The following SETD5 variants were observed in gnomAD, a reference collection of about 807,000 sequenced individuals.
SETD5 encodes the protein SET domain containing 5, also known as histone-lysine N-methyltransferase SETD5.
SETD5 carries 44 observed loss-of-function variants against 153.3 expected under a neutral mutation model. The observed-to-expected ratio is 0.29, with a 90% CI of 0.23 to 0.37. The LOEUF is 0.37. Among genes scored for constraint, SETD5 ranks in the 10% least tolerant of loss-of-function variants. SETD5 has a pLI of 1.00. For missense variants in SETD5, 1,544 were observed against 1,768.0 expected (o/e 0.87, Z 2.27); for synonymous variants, 716 against 645.2 (o/e 1.11, Z -1.66).
intron 3 of SETD5, chr3:9,430,703 T>TG (rs2039858733): frequency 2.2e-6 from 1 of 457,652 alleles, no homozygotes; most frequent in Non-Finnish European, 2.9e-6. Flanking sequence ...CGTTTGGAAT[T>TG]GCTGGATAAA....
chr3:9,416,163 G>A (rs2037419125), intron 1 of SETD5, among the ~76,000 whole-genome samples: 1 of 145,842 alleles, frequency 6.9e-6, no homozygotes, highest in African/African-American at 2.7e-5. Flanking sequence ...CCTCAGAGTG[G>A]GTGAGCCTTT....
chr3:9,434,947 T>A lies in SETD5; in HGVS notation c.388+65T>A. The stretch of plus-strand genomic sequence containing the variant: ...AATATTCTGTGATCTGAATGTTCAT[T>A]TTAAGAACCCCTCTTGGCCAGGCGC... On this transcript the variant is annotated intron_variant, in intron 6 of 22. Transcript: ENST00000402198. The surrounding 1 kb of genome is among the most constrained non-coding windows in gnomAD (Gnocchi z 5.6). 6.4e-7 allele frequency: 1 copy of A among 1,562,826 alleles called. No homozygotes were observed. The highest frequency in any genetic ancestry group is 8.7e-7 in the Non-Finnish European group (1 of 1,150,214).
At chr3:9,400,422 G>A (rs1399733644) in intron 1 of SETD5, among the ~76,000 whole-genome samples, 1 of 152,088 alleles carries the variant, frequency 6.6e-6, no homozygotes, top group East Asian at 1.9e-4. Context: ...CACATATCAT[G>A]CCTTCCTCCA....
intron 1 of SETD5, among the ~76,000 whole-genome samples, chr3:9,422,828 A>G (rs78349086): frequency 0.023 from 3,502 of 152,280 alleles, 51 homozygotes; most frequent in Non-Finnish European, 0.033. Context: ...GCTGTTAACA[A>G]TTGTTTCTCT....
intron 1 of SETD5, among the ~76,000 whole-genome samples, chr3:9,412,387 G>GTTTTTTTTTTTTTT (rs370566998): frequency 1.1e-5 from 1 of 89,536 alleles, no homozygotes; most frequent in African/African-American, 3.9e-5. Flanking sequence ...ACAGTTTTGG[G>GTTTTTTTTTTTTTT]TTTTTTTTTT....
At chr3:9,440,029 A>C (rs1222026445) in intron 7 of SETD5, among the ~76,000 whole-genome samples, 2 of 152,226 alleles carry the variant, frequency 1.3e-5, no homozygotes, top group African/African-American at 2.4e-5. Context: ...CTAACACTTA[A>C]CACAGATATT....
In SETD5 at chr3:9,444,959, C is replaced by T. The variant is rs1177132270; in HGVS notation, c.1188-89C>T. On this transcript the variant is annotated intron_variant, in intron 11 of 22. Coordinates refer to ENST00000402198, the MANE Select transcript of SETD5 (RefSeq NM_001080517.3). ...TCAGAGACAATATCAGAGGAAGTTA[C>T]TGTACTGATATTTTAAGAGGGTGAA... is the stretch of plus-strand genomic sequence containing the variant. 9 of 1,471,808 alleles carry T rather than the reference C, an allele frequency of 6.1e-6. No individual in the cohort carries two copies. In the African/African-American group the frequency reaches 1.3e-4, roughly 21 times the overall value. The allele number at this position is 1,471,808 out of a possible 1,614,324, so 91.2% of individuals were successfully genotyped here. A position where few individuals can be genotyped will look rare whatever the true frequency, so the allele number is the denominator to read the frequency against.
intron 17 of SETD5, among the ~76,000 whole-genome samples, chr3:9,461,190 TATAG>T (rs1265038836): frequency 3.3e-5 from 5 of 152,156 alleles, no homozygotes; most frequent in African/African-American, 1.2e-4. Flanking sequence ...ACTACACATA[TATAG>T]ATATTCTTTT....
chr3:9,424,052 C>T (rs887767467), intron 1 of SETD5, among the ~76,000 whole-genome samples: 2 of 152,132 alleles, frequency 1.3e-5, no homozygotes, highest in African/African-American at 4.8e-5. Flanking sequence ...ATGATGGCCC[C>T]TTGTCTGGCT....
intron 1 of SETD5, among the ~76,000 whole-genome samples, chr3:9,408,601 C>G (rs1434078645): frequency 6.7e-6 from 1 of 149,884 alleles, no homozygotes; most frequent in African/African-American, 2.5e-5. Flanking sequence ...TTAACACATT[C>G]CTCTATTAAA....
At chr3:9,418,065 C>G (rs996600131) in intron 1 of SETD5, among the ~76,000 whole-genome samples, 8 of 151,632 alleles carry the variant, frequency 5.3e-5, no homozygotes, top group South Asian at 2.1e-4. Flanking sequence ...CTCAGCCTCC[C>G]GAATAGCTGG....
In SETD5 at chr3:9,445,319, A is replaced by G. The variant is rs779953800; in HGVS notation, c.1440+19A>G. 1.3e-6 allele frequency: 2 copies of G among 1,593,504 alleles called. No homozygotes were observed. Among genetic ancestry groups the G allele is most frequent in the African/African-American group, 1.3e-5 (1 of 74,630 alleles). On this transcript the variant is annotated intron_variant, in intron 12 of 22. Transcript: ENST00000402198. ...TCATGAGGTAATCGCCCCTGGTCAA[A>G]TGATGATGCTATGGCATCAATCCTC...
chr3:9,446,147 C>T (rs1402434230), intron 13 of SETD5, among the ~76,000 whole-genome samples: 1 of 150,918 alleles, frequency 6.6e-6, no homozygotes, highest in Admixed American at 6.6e-5. Flanking sequence ...ATTAGCCGGG[C>T]GCGGTGGCGG....
chr3:9,430,593 T>C (rs953771475), intron 3 of SETD5: 1 of 193,338 alleles, frequency 5.2e-6, no homozygotes, highest in Non-Finnish European at 9.5e-6. Flanking sequence ...TAGGTTTTTA[T>C]AAAGTCAGCT....
At chr3:9,459,296 G>A (rs2043638473) in intron 17 of SETD5, among the ~76,000 whole-genome samples, 1 of 152,070 alleles carries the variant, frequency 6.6e-6, no homozygotes, top group South Asian at 2.1e-4. Context: ...CCCCAGGAAT[G>A]GTAGAATTTG....
intron 1 of SETD5, among the ~76,000 whole-genome samples, chr3:9,413,982 T>C (rs1231732300): frequency 3.9e-5 from 6 of 152,156 alleles, no homozygotes; most frequent in African/African-American, 1.4e-4. Context: ...TTCACCATTT[T>C]GGCCAGGATG....
At chr3:9,433,355 C>G (rs2040192995) in intron 3 of SETD5, 1 of 1,288,908 alleles carries the variant, frequency 7.8e-7, no homozygotes, top group Admixed American at 2.3e-5. Context: ...TTGTTTTTAC[C>G]TGTACTTTCT....
At chr3:9,408,239 T>C (rs1198479352) in intron 1 of SETD5, among the ~76,000 whole-genome samples, 2 of 152,246 alleles carry the variant, frequency 1.3e-5, no homozygotes, top group African/African-American at 4.8e-5. Context: ...TGGAGTCTCC[T>C]GTGCTGCGAT....
intron 7 of SETD5, among the ~76,000 whole-genome samples, chr3:9,437,928 A>G (rs2040783435): frequency 6.6e-6 from 1 of 151,606 alleles, no homozygotes; most frequent in African/African-American, 2.4e-5. Flanking sequence ...GCTTGAACCC[A>G]GGAGGCAGTG....
Sources: allele counts gnomAD v4.1 joint callset (sites outside exome capture counted in the v4.1 genomes callset), GRCh38; gene constraint gnomAD v4.1.1; non-coding constraint Gnocchi (gnomAD v3.1); transcripts MANE v1.5; gene names NCBI Gene and HGNC (gene_info 2026-07-23, HGNC 2026-07-21).